The following NTAQ1 variants were observed in gnomAD, a reference collection of about 807,000 sequenced individuals.
NTAQ1 encodes the protein protein N-terminal glutamine amidohydrolase.
Under a neutral mutation model 28.2 loss-of-function variants are expected in NTAQ1, and 21 were observed. The ratio of observed to expected loss-of-function variants is 0.74; its 90% CI spans 0.53 to 1.07. NTAQ1 has a LOEUF of 1.07. Among genes scored for constraint, NTAQ1 ranks in the 50% least tolerant of loss-of-function variants. The probability of loss-of-function intolerance (pLI) is 0.00; values close to 1 mark genes in which losing one functional copy is unlikely to be tolerated. For missense variants in NTAQ1, 264 were observed against 256.6 expected (o/e 1.03, Z -0.20); for synonymous variants, 105 against 90.0 (o/e 1.17, Z -0.94).
intron 3 of NTAQ1, among the ~76,000 whole-genome samples, chr8:123,431,832 A>G (rs1347875123): frequency 6.6e-6 from 1 of 152,220 alleles, no homozygotes. Context: ...GTACTCAGGA[A>G]GTGTTGGCAG....
downstream of NTAQ1, among the ~76,000 whole-genome samples, chr8:123,442,490 T>A (rs150050116): frequency 3.7e-3 from 555 of 150,528 alleles, 5 homozygotes; most frequent in African/African-American, 0.013. Context: ...GCCAGCTACT[T>A]GGGAGGCTGA....
chr8:123,435,513 A>T (rs1019702620), intron 3 of NTAQ1: 31 of 985,274 alleles, frequency 3.1e-5, no homozygotes, highest in Non-Finnish European at 3.6e-5. Context: ...CTGCATTCAC[A>T]TGCATGCAAA....
downstream of NTAQ1, among the ~76,000 whole-genome samples, chr8:123,470,394 A>G (rs1816029803): frequency 6.6e-6 from 1 of 152,178 alleles, no homozygotes; most frequent in Non-Finnish European, 1.5e-5. Flanking sequence ...CACTGATGAG[A>G]TGGACGCATT....
At chr8:123,424,072 G>GTGTT (rs369928774) in intron 1 of NTAQ1, among the ~76,000 whole-genome samples, 3 of 85,864 alleles carry the variant, frequency 3.5e-5, no homozygotes, top group South Asian at 4.6e-4. Flanking sequence ...ATTTTTATGC[G>GTGTT]TTTTTTTTTT....
intron 6 of NTAQ1, among the ~76,000 whole-genome samples, chr8:123,464,904 A>G (rs7008226): frequency 0.25 from 37,614 of 151,958 alleles, 5,050 homozygotes; most frequent in African/African-American, 0.33. Context: ...TGGGTGTGGT[A>G]TCATGCGCCT....
intron 1 of NTAQ1, among the ~76,000 whole-genome samples, chr8:123,422,900 A>T (rs564492262): frequency 6.6e-6 from 1 of 152,276 alleles, no homozygotes; most frequent in Non-Finnish European, 1.5e-5. Context: ...TAAATAGGGA[A>T]TCCTTTCCCC....
In NTAQ1 at chr8:123,441,725, C is replaced by A; in HGVS notation, c.*310C>A. ...ATAGAGGTGTGGAGGTAGAGCCAGCCCCTCATGTCTGTTTTGGATGTTTTG... is the reference window on the plus strand; with the variant it reads ...ATAGAGGTGTGGAGGTAGAGCCAGCACCTCATGTCTGTTTTGGATGTTTTG... On this transcript the variant is annotated 3_prime_UTR_variant, in exon 6 of 6. Coordinates refer to ENST00000287387, the MANE Select transcript of NTAQ1 (RefSeq NM_018024.3). The A allele has an allele frequency of 3.3e-6, 1 of 300,732 alleles. No homozygotes were observed. The highest frequency in any genetic ancestry group is 6.3e-6 in the Non-Finnish European group (1 of 157,804). The allele number at this position is 300,732 out of a possible 1,614,324, so 18.6% of individuals were successfully genotyped here.
chr8:123,437,289 A>G lies in NTAQ1; in HGVS notation c.463A>G (p.Asn155Asp). 1.2e-6 allele frequency: 2 copies of G among 1,614,102 alleles called. No individual in the cohort carries two copies. Among genetic ancestry groups the G allele is most frequent in the Non-Finnish European group, 1.7e-6 (2 of 1,179,988 alleles). ...ATCTCACATGAAAGACTCCAGTGGG[A>G]ATTGGAGAGAGCCTCCGCCGCCATA... is the stretch of plus-strand genomic sequence containing the variant. ...DRSHMKDSSG[N>D]WREPPPPYPC... Residue 155 changes from asparagine to aspartate, a missense_variant, in exon 5 of 6, where the codon AAT becomes GAT. Transcript: ENST00000287387.
intron 3 of NTAQ1, among the ~76,000 whole-genome samples, chr8:123,430,351 G>A (rs1814321333): frequency 6.6e-6 from 1 of 152,302 alleles, no homozygotes; most frequent in African/African-American, 2.4e-5. Context: ...TGTTAAAAAT[G>A]TAGTTTTCGG....
chr8:123,416,987 G>A (rs1813337304), intron 1 of NTAQ1, 55 bp downstream of exon 1: 49 of 1,382,604 alleles, frequency 3.5e-5, no homozygotes, highest in Admixed American at 5.9e-5. Context: ...GCGGCGAGTC[G>A]CAACCGGGCC....
At chr8:123,452,601 C>A (rs1815533793), downstream of NTAQ1, among the ~76,000 whole-genome samples, 1 of 150,324 alleles carries the variant, frequency 6.7e-6, no homozygotes, top group Admixed American at 6.6e-5. Flanking sequence ...TCTCCACACA[C>A]AAAAATAAAA....
intron 2 of NTAQ1, among the ~76,000 whole-genome samples, chr8:123,428,895 C>T (rs760861047): frequency 6.6e-6 from 1 of 152,156 alleles, no homozygotes; most frequent in Non-Finnish European, 1.5e-5. Context: ...AGCCACTGTG[C>T]CTGGCCATTT....
At chr8:123,457,510 A>G (rs1037050738) in intron 6 of NTAQ1, among the ~76,000 whole-genome samples, 2 of 152,194 alleles carry the variant, frequency 1.3e-5, no homozygotes, top group Non-Finnish European at 2.9e-5. Flanking sequence ...TATGTAATAC[A>G]ATTAAATTTA....
intron 1 of NTAQ1, among the ~76,000 whole-genome samples, chr8:123,419,746 C>CCCTCTCTCCCTCCCTCCCTCCCTT (rs1813554504): frequency 1.1e-5 from 1 of 87,806 alleles, no homozygotes; most frequent in Admixed American, 1.5e-4. Flanking sequence ...CTCCCTCCCT[C>CCCTCTCTCCCTCCCTCCCTCCCTT]CCTCCCTCCC....
rs530795105 is a variant in NTAQ1, at chr8:123,438,851, T to A, written c.508+1517T>A. On this transcript the variant is annotated intron_variant, in intron 5 of 5. Transcript: ENST00000287387. ...GGAATTGCTTATCAGTACACAGAGC[T>A]GCTTCCTGGCCTCAGTGTGAGAACT... Among the ~76,000 whole-genome samples the A allele has an allele frequency of 9.8e-5, 15 of 152,292 alleles. No individual in the cohort carries two copies. The South Asian group carries it at 3.1e-3, about 32-fold the overall frequency.
chr8:123,429,285 A>G (rs1814253929), intron 2 of NTAQ1, among the ~76,000 whole-genome samples: 1 of 152,210 alleles, frequency 6.6e-6, no homozygotes, highest in Admixed American at 6.5e-5. Flanking sequence ...TACAATAACT[A>G]GTGCTCTTGA....
At chr8:123,455,421 A>AG (rs1815619709) in intron 6 of NTAQ1, among the ~76,000 whole-genome samples, 1 of 115,482 alleles carries the variant, frequency 8.7e-6, no homozygotes. Flanking sequence ...ATGCCCAGAA[A>AG]TTTTTTTTTT....
At chr8:123,423,945 C>A (rs1813880121) in intron 1 of NTAQ1, among the ~76,000 whole-genome samples, 1 of 151,406 alleles carries the variant, frequency 6.6e-6, no homozygotes, top group African/African-American at 2.4e-5. Flanking sequence ...AGCAGTCGTG[C>A]AATCTTGGCT....
At chr8:123,470,524 G>A (rs1232871549), downstream of NTAQ1, among the ~76,000 whole-genome samples, 2 of 152,304 alleles carry the variant, frequency 1.3e-5, no homozygotes, top group East Asian at 1.9e-4. Context: ...GAATAACCAG[G>A]TAGGTGCTTA....
Sources: allele counts gnomAD v4.1 joint callset (sites outside exome capture counted in the v4.1 genomes callset), GRCh38; gene constraint gnomAD v4.1.1; transcripts MANE v1.5; gene names NCBI Gene and HGNC (gene_info 2026-07-23, HGNC 2026-07-21).